Variants in DDX21 observed in about 807,000 individuals in gnomAD.
DDX21 encodes nucleolar RNA helicase 2.
In DDX21, 18 loss-of-function variants were observed where a neutral mutation model predicts 90.0. The observed-to-expected ratio is 0.20, with a 90% CI of 0.14 to 0.30. DDX21 has a LOEUF of 0.30. Ranked by LOEUF, DDX21 falls within the 10% of genes least tolerant of loss-of-function variation. DDX21 has a pLI of 1.00. For synonymous variants in DDX21, 294 were observed against 318.0 expected (o/e 0.92, Z 0.80); for missense variants, 673 against 944.5 (o/e 0.71, Z 3.77).
chr10:68,960,303 A>C (rs1205493029), intron 2 of DDX21, 54 bp downstream of exon 2: 1 of 1,519,250 alleles, frequency 6.6e-7, no homozygotes, highest in Non-Finnish European at 8.8e-7. Flanking sequence ...TTTCAGATAA[A>C]TAAGTAGGTA....
intron 6 of DDX21, 148 bp from the exon 7 acceptor site, chr10:68,968,828 C>A: frequency 1.4e-6 from 1 of 724,924 alleles, no homozygotes; most frequent in Non-Finnish European, 2.2e-6. Flanking sequence ...AAACCTCTGT[C>A]TTCCAGTTTT....
chr10:68,958,843 G>C (rs1486302098), intron 1 of DDX21, among the ~76,000 whole-genome samples: 1 of 152,168 alleles, frequency 6.6e-6, no homozygotes, highest in Non-Finnish European at 1.5e-5. Context: ...CCAGAGTGCT[G>C]AGATTACAGG....
At position 68,978,994 on chromosome 10, in the gene DDX21, G is replaced by A. The variant is rs775215378; in HGVS notation, c.2037+18G>A. 1.2e-5 allele frequency: 19 copies of A among 1,613,682 alleles called. No individual in the cohort carries two copies. Among genetic ancestry groups the A allele is most frequent in the Admixed American group, 5.0e-5 (3 of 59,958 alleles). On this transcript the variant is annotated intron_variant, in intron 13 of 14. Coordinates refer to ENST00000354185, the MANE Select transcript of DDX21 (RefSeq NM_004728.4). ...GAAAGCTGGTAAGGCTGGGGTCTCT[G>A]TTGTAACCTTGATGGGGCTTTATGT...
intron 5 of DDX21, among the ~76,000 whole-genome samples, chr10:68,966,733 G>T (rs116969388): frequency 2.0e-5 from 3 of 152,062 alleles, no homozygotes; most frequent in African/African-American, 7.2e-5. Context: ...GACCCACCAC[G>T]CCCGGCTGCA....
Position 68,970,210 on chromosome 10 carries a change from A to C in DDX21, c.1246A>C (p.Ile416Leu). ...TTTCTTCTTACATAAGCATCTGGCT[A>C]TTAAGTGCCACTGGACTCAGAGGGC... ...KTAITVEHLA[I>L]KCHWTQRAAV... Residue 416 changes from isoleucine (I) to leucine (L), a missense_variant, in exon 8 of 15, where the codon ATT becomes CTT. This residue lies in a region of DDX21 where 218 missense variants were observed against 347.3 expected (regional missense o/e 0.63). Transcript: ENST00000354185. The C allele has an allele frequency of 6.2e-7, 1 of 1,603,772 alleles. No homozygotes were observed.
At chr10:68,964,212 T>C (rs542494287) in intron 4 of DDX21, 6 of 329,808 alleles carry the variant, frequency 1.8e-5, no homozygotes, top group Non-Finnish European at 2.4e-5. Context: ...TCTAGAGAAC[T>C]TGACATTTAA....
intron 5 of DDX21, among the ~76,000 whole-genome samples, chr10:68,966,769 C>G (rs948700714): frequency 1.1e-4 from 17 of 152,138 alleles, no homozygotes; most frequent in African/African-American, 3.9e-4. Flanking sequence ...ACTTTGTACA[C>G]TAGACTGTCA....
At chr10:68,977,754 T>A in intron 12 of DDX21, 66 bp downstream of exon 12, 1 of 1,438,070 alleles carries the variant, frequency 7.0e-7, no homozygotes, top group Non-Finnish European at 9.4e-7. Context: ...TGAAAGGGTT[T>A]CATTTAAGCT....
chr10:68,960,290 T>C (rs1842856533), intron 2 of DDX21, 41 bp downstream of exon 2: 1 of 1,542,278 alleles, frequency 6.5e-7, no homozygotes, highest in Admixed American at 2.2e-5. Flanking sequence ...TCTTTCATTG[T>C]TGTTTCAGAT....
In DDX21 at chr10:68,956,594, C is replaced by G. The variant is rs544582582; in HGVS notation, c.87+282C>G. ...CTCTGGTAGAGAGGCCCTGTTGGAG[C>G]TCGGGAGAGGGCCGGGTGTCCCACG... On this transcript the variant is annotated intron_variant, in intron 1 of 14. Coordinates refer to ENST00000354185, the MANE Select transcript of DDX21 (RefSeq NM_004728.4). 4.8e-5 allele frequency: 60 copies of G among 1,253,900 alleles called. No individual in the cohort carries two copies. The African/African-American group carries it at 8.0e-4, about 17-fold the overall frequency. The allele number at this position is 1,253,900 out of a possible 1,614,324, so 77.7% of individuals were successfully genotyped here.
chr10:68,982,930 TC>T lies in DDX21; in HGVS notation c.*121del, dbSNP rs1843216175. ...TGCCTCCTTTTGACCACTTGCCAAG[TC>T]CCTGTCTCTTTCAGACACAGACAAG... On this transcript the variant is annotated 3_prime_UTR_variant, in exon 15 of 15. Coordinates refer to ENST00000354185, the MANE Select transcript of DDX21 (RefSeq NM_004728.4). The T allele has an allele frequency of 7.8e-7, 1 of 1,276,654 alleles. No homozygotes were observed. Among genetic ancestry groups the T allele is most frequent in the African/African-American group, 1.5e-5 (1 of 66,316 alleles). The allele number at this position is 1,276,654 out of a possible 1,614,324, so 79.1% of individuals were successfully genotyped here.
At position 68,967,090 on chromosome 10, in the gene DDX21, G is replaced by C. The variant is rs1349700005; in HGVS notation, c.977G>C (p.Gly326Ala). 7 of 1,611,472 alleles carry C rather than the reference G, an allele frequency of 4.3e-6. No homozygotes were observed. The highest frequency in any genetic ancestry group is 5.9e-6 in the Non-Finnish European group (7 of 1,179,172). The change falls in exon 6 of 15, where the codon GGC becomes GCC. Residue 326 changes from glycine to alanine, a missense_variant. By Grantham distance (60) the Gly-to-Ala change is moderately conservative. This residue lies in a region of DDX21 where 218 missense variants were observed against 347.3 expected (regional missense o/e 0.63). Coordinates refer to ENST00000354185, the MANE Select transcript of DDX21 (RefSeq NM_004728.4). ...CGTATCAAAGACCACATACAGAATG[G>C]CAAACTAGATCTCACCAAACTTAAG... is the stretch of plus-strand genomic sequence containing the variant. ...PGRIKDHIQN[G>A]KLDLTKLKHV...
chr10:68,979,480 T>C (rs1843155143), intron 13 of DDX21, among the ~76,000 whole-genome samples: 1 of 152,224 alleles, frequency 6.6e-6, no homozygotes, highest in South Asian at 2.1e-4. Context: ...GTTATATCTA[T>C]TGATACTTAC....
intron 10 of DDX21, 86 bp downstream of exon 10, chr10:68,973,750 A>G (rs1843058154): frequency 1.3e-6 from 2 of 1,504,390 alleles, no homozygotes; most frequent in East Asian, 2.3e-5. Flanking sequence ...ACTTTAAAAT[A>G]TTTTTATTTC....
In DDX21 at chr10:68,969,106, G is replaced by T. The variant is rs142553005; in HGVS notation, c.1221G>T (p.Thr407=). Residue 407 remains threonine (T), a synonymous_variant, in exon 7 of 15, where the codon ACG becomes ACT. Transcript: ENST00000354185. ...TGATTGGTAAAAAGACTCAGAAAAC[G>T]GCAATAACTGTGGAGGTAAATTATT... ...VDLIGKKTQK[T]AITVEHLAIK... 2 of 1,610,232 alleles carry T rather than the reference G, an allele frequency of 1.2e-6. No individual in the cohort carries two copies. The highest frequency in any genetic ancestry group is 2.2e-5 in the South Asian group (2 of 89,860).
chr10:68,974,858 G>A lies in DDX21; in HGVS notation c.1742+115G>A. 4.0e-6 allele frequency: 3 copies of A among 741,644 alleles called. No individual in the cohort carries two copies. In the South Asian group the frequency reaches 5.9e-5, roughly 15 times the overall value. The allele number at this position is 741,644 out of a possible 1,614,324, so 45.9% of individuals were successfully genotyped here. The stretch of plus-strand genomic sequence containing the variant: ...TTTTTTTTTTAAAATTTTTGAGACA[G>A]GGTCTCACTATGTTGCCCAGGCTGG... On this transcript the variant is annotated intron_variant, in intron 11 of 14. Coordinates refer to ENST00000354185, the MANE Select transcript of DDX21 (RefSeq NM_004728.4).
chr10:68,978,131 G>T (rs1441670922), intron 12 of DDX21, among the ~76,000 whole-genome samples: 1 of 151,788 alleles, frequency 6.6e-6, no homozygotes, highest in Non-Finnish European at 1.5e-5. Flanking sequence ...GAAAAGAAAA[G>T]AACCAATAAT....
intron 1 of DDX21, among the ~76,000 whole-genome samples, chr10:68,957,813 A>G (rs1842818909): frequency 6.6e-6 from 1 of 152,158 alleles, no homozygotes; most frequent in South Asian, 2.1e-4. Context: ...CCAGGCCTGA[A>G]ATTTCCGGGA....
At chr10:68,981,120 A>G (rs1344459659) in intron 13 of DDX21, among the ~76,000 whole-genome samples, 1 of 152,242 alleles carries the variant, frequency 6.6e-6, no homozygotes, top group Non-Finnish European at 1.5e-5. Context: ...AAGGCAGTAT[A>G]TAGTTTAGAC....
Sources: allele counts gnomAD v4.1 joint callset (sites outside exome capture counted in the v4.1 genomes callset), GRCh38; gene constraint gnomAD v4.1.1; regional missense constraint gnomAD v4.1.1; transcripts MANE v1.5; gene names NCBI Gene and HGNC (gene_info 2026-07-23, HGNC 2026-07-21).